Variants in SNCG observed in about 807,000 individuals in gnomAD.
SNCG encodes the protein synuclein gamma, also known as gamma-synuclein.
SNCG carries 13 observed loss-of-function variants against 16.0 expected under a neutral mutation model. That is an observed-to-expected ratio of 0.81 (90% confidence interval 0.53 to 1.29). The LOEUF is 1.29. Among genes scored for constraint, SNCG ranks in the 50% most tolerant of loss-of-function variants. The probability of loss-of-function intolerance (pLI) is 0.00; values close to 1 mark genes in which losing one functional copy is unlikely to be tolerated. For synonymous variants in SNCG, 66 were observed against 66.3 expected, an observed-to-expected ratio of 1.00 and a Z score of 0.02; for missense variants, 154 against 168.5, an observed-to-expected ratio of 0.91 and a Z score of 0.48.
chr10:86,956,028 G>T (rs540752545), upstream of SNCG, among the ~76,000 whole-genome samples: 1 of 152,200 alleles, frequency 6.6e-6, no homozygotes, highest in African/African-American at 2.4e-5. Context: ...CCCGTCCACC[G>T]GGTCCTCTCA....
upstream of SNCG, among the ~76,000 whole-genome samples, chr10:86,956,513 A>G (rs1844234602): frequency 6.6e-6 from 1 of 152,200 alleles, no homozygotes; most frequent in East Asian, 1.9e-4. Flanking sequence ...GGGTGGAGGT[A>G]GGAGCATCTG....
upstream of SNCG, chr10:86,958,502 C>CCAAA: frequency 4.0e-6 from 2 of 504,836 alleles, no homozygotes; most frequent in Non-Finnish European, 6.2e-6. Flanking sequence ...CTCCTTCCCT[C>CCAAA]CCTCCCTCCC....
intron 3 of SNCG, among the ~76,000 whole-genome samples, chr10:86,961,441 C>CCAT (rs374307063): frequency 1.0e-3 from 157 of 151,664 alleles, no homozygotes; most frequent in African/African-American, 1.7e-3. Context: ...AGGAAGGTGA[C>CCAT]CATCATCATC....
upstream of SNCG, among the ~76,000 whole-genome samples, chr10:86,956,335 C>T (rs922732080): frequency 2.6e-5 from 4 of 152,354 alleles, no homozygotes; most frequent in African/African-American, 9.6e-5. Context: ...TTCAGGAAAG[C>T]ACCCAACAAA....
At chr10:86,958,079 C>A (rs1203279912), upstream of SNCG, 1 of 985,186 alleles carries the variant, frequency 1.0e-6, no homozygotes, top group East Asian at 1.1e-4. Flanking sequence ...TCCCCACCCC[C>A]ACCCACCTCA....
intron 3 of SNCG, among the ~76,000 whole-genome samples, chr10:86,960,845 C>T (rs1347189728): frequency 2.0e-5 from 3 of 152,240 alleles, no homozygotes; most frequent in African/African-American, 7.2e-5. Context: ...CTCTGCTTTA[C>T]GCATTGTACG....
upstream of SNCG, chr10:86,957,431 T>C (rs559779475): frequency 6.2e-7 from 1 of 1,613,778 alleles, no homozygotes; most frequent in South Asian, 1.1e-5. Context: ...AGACCCCAGG[T>C]GTCCTGGAGC....
chr10:86,958,213 C>T (rs1329840953), upstream of SNCG: 5 of 964,130 alleles, frequency 5.2e-6, no homozygotes, highest in African/African-American at 8.8e-5. Flanking sequence ...GTGGCCCTGA[C>T]CCCTACCTAG....
chr10:86,958,776 A>G lies in SNCG; in HGVS notation c.79A>G (p.Thr27Ala), dbSNP rs1844282859. The G allele has an allele frequency of 6.2e-7, 1 of 1,613,374 alleles. No individual in the cohort carries two copies. The highest frequency in any genetic ancestry group is 1.7e-5 in the Admixed American group (1 of 59,940). Reference sequence around the variant, plus strand: ...GGTGGAAAAGACCAAGCAGGGGGTGACGGAAGCAGCTGAGAAGACCAAGGA... The same window carrying G: ...GGTGGAAAAGACCAAGCAGGGGGTGGCGGAAGCAGCTGAGAAGACCAAGGA... Reference protein sequence around the residue: ...GAVEKTKQGVTEAAEKTKEGV... With the variant: ...GAVEKTKQGVAEAAEKTKEGV... Residue 27 changes from threonine to alanine, a missense_variant, in exon 1 of 5, where the codon ACG (threonine) becomes GCG (alanine). By Grantham distance (58) the Thr-to-Ala change is moderately conservative. Transcript: ENST00000372017.
Position 86,960,140 on chromosome 10 carries a change from C to T in SNCG, c.291+12C>T. 3 of 1,608,244 alleles carry T rather than the reference C, an allele frequency of 1.9e-6. No individual in the cohort carries two copies. The highest frequency in any genetic ancestry group is 1.7e-4 in the Middle Eastern group (1 of 6,034). On this transcript the variant is annotated intron_variant, in intron 3 of 4. Coordinates refer to ENST00000372017, the MANE Select transcript of SNCG (RefSeq NM_003087.3). ...GGGTGGTGCGCAAGGTGAGCCCCGG[C>T]CCTCAGACCTGCCCAGTCCTCTCCT... is the stretch of plus-strand genomic sequence containing the variant.
At chr10:86,956,440 C>A (rs1039447677), upstream of SNCG, among the ~76,000 whole-genome samples, 1 of 152,232 alleles carries the variant, frequency 6.6e-6, no homozygotes, top group African/African-American at 2.4e-5. Flanking sequence ...GTTGGCCCCC[C>A]CCTCACTCCC....
chr10:86,957,685 C>G (rs988391859), upstream of SNCG: 5 of 1,335,330 alleles, frequency 3.7e-6, no homozygotes, highest in Middle Eastern at 4.8e-4. Flanking sequence ...GGCCGGCCTA[C>G]CCGGTGGGTC....
intron 4 of SNCG, 82 bp downstream of exon 4, chr10:86,962,757 T>C (rs979231719): frequency 2.9e-5 from 38 of 1,296,882 alleles, no homozygotes; most frequent in Non-Finnish European, 4.1e-5. Context: ...GCTTCCCTCC[T>C]GGGCTCCCAG....
chr10:86,961,065 C>A (rs1030794832), intron 3 of SNCG, among the ~76,000 whole-genome samples: 4 of 152,078 alleles, frequency 2.6e-5, no homozygotes, highest in African/African-American at 9.7e-5. Flanking sequence ...CAGTGTCCAG[C>A]TCTCCTACCT....
intron 3 of SNCG, among the ~76,000 whole-genome samples, chr10:86,960,965 T>G (rs1477046728): frequency 6.6e-6 from 1 of 152,186 alleles, no homozygotes; most frequent in Non-Finnish European, 1.5e-5. Flanking sequence ...AGCTTGGAAT[T>G]CCCCTGAGCA....
chr10:86,957,682 C>T, upstream of SNCG: 1 of 1,351,208 alleles, frequency 7.4e-7, no homozygotes, highest in Non-Finnish European at 9.8e-7. Flanking sequence ...CTGGGCCGGC[C>T]TACCCGGTGG....
At position 86,962,683 on chromosome 10, in the gene SNCG, C is replaced by G; in HGVS notation, c.363+8C>G. ...GAGGAAGTGGCAGAGGAGGTAGGAG[C>G]TGGGCTCCTGGGGTGCACCATGGGG... is the stretch of plus-strand genomic sequence containing the variant. On this transcript the variant is annotated splice_region_variant and intron_variant, in intron 4 of 4. Coordinates refer to ENST00000372017, the MANE Select transcript of SNCG (RefSeq NM_003087.3). 1 of 1,606,076 alleles carries G rather than the reference C, an allele frequency of 6.2e-7. No individual in the cohort carries two copies. Among genetic ancestry groups the G allele is most frequent in the Non-Finnish European group, 8.5e-7 (1 of 1,174,772 alleles).
At chr10:86,960,239 G>T (rs998200857) in intron 3 of SNCG, 111 bp downstream of exon 3, 2 of 1,113,530 alleles carry the variant, frequency 1.8e-6, no homozygotes, top group African/African-American at 1.6e-5. Flanking sequence ...GGGGGGCTGC[G>T]GCTGGCTTCA....
At chr10:86,961,216 G>A (rs1844343295) in intron 3 of SNCG, among the ~76,000 whole-genome samples, 1 of 152,144 alleles carries the variant, frequency 6.6e-6, no homozygotes, top group African/African-American at 2.4e-5. Context: ...TCCAGGGCCA[G>A]CACAGGGTCT....
Sources: gnomAD v4.1 joint callset for allele counts (sites outside exome capture counted in the v4.1 genomes callset) on GRCh38, gnomAD v4.1.1 for gene constraint, MANE v1.5 for transcripts, NCBI Gene and HGNC (gene_info 2026-07-23, HGNC 2026-07-21) for gene names.